The following LPP variants were observed in gnomAD, a reference collection of about 807,000 sequenced individuals.
The protein encoded by LPP is LIM domain containing preferred translocation partner in lipoma, also known as lipoma-preferred partner.
A neutral mutation model predicts 60.4 loss-of-function variants in LPP; 38 were observed. The observed-to-expected ratio is 0.63, with a 90% CI of 0.49 to 0.83. The LOEUF (loss-of-function observed/expected upper bound fraction) is 0.83. LPP is among the 40% of genes least tolerant of loss of function. The probability of loss-of-function intolerance (pLI) is 0.00; values close to 1 mark genes in which losing one functional copy is unlikely to be tolerated. For synonymous variants in LPP, 328 were observed against 290.8 expected (o/e 1.13, Z -1.30); for missense variants, 902 against 783.6 (o/e 1.15, Z -1.80).
At chr3:188,282,638 C>T (rs1230186519) in intron 2 of LPP, among the ~76,000 whole-genome samples, 2 of 152,098 alleles carry the variant, frequency 1.3e-5, no homozygotes, top group East Asian at 1.9e-4. Flanking sequence ...ACCTTTCTGC[C>T]TTCCTTTTGG....
rs553573467 is a variant in LPP at position 188,882,450 on chromosome 3, T to A, written c.*7971T>A. On this transcript the variant is annotated 3_prime_UTR_variant, in exon 12 of 12. Transcript: ENST00000617246. The stretch of plus-strand genomic sequence containing the variant: ...TATTTACTTGCTTTTCCCATCTCTT[T>A]ATAATTGGAAGAGAAGATGATCTGC... 4.4e-6 allele frequency: 1 copy of A among 226,924 alleles called. No homozygotes were observed. The highest frequency in any genetic ancestry group is 2.2e-5 in the African/African-American group (1 of 45,128). The allele number at this position is 226,924 out of a possible 1,614,324, so 14.1% of individuals were successfully genotyped here.
chr3:188,421,634 C>T (rs1251438922), intron 4 of LPP, among the ~76,000 whole-genome samples: 1 of 152,152 alleles, frequency 6.6e-6, no homozygotes, highest in African/African-American at 2.4e-5. Flanking sequence ...TTAATAACTG[C>T]AGAAATCCCC....
chr3:188,740,299 G>T (rs1723961076), intron 8 of LPP, among the ~76,000 whole-genome samples: 1 of 152,100 alleles, frequency 6.6e-6, no homozygotes, highest in South Asian at 2.1e-4. Flanking sequence ...GGATCTACCT[G>T]TGGACTTTAG....
intron 6 of LPP, chr3:188,568,257 G>A (rs537727645): frequency 1.3e-5 from 2 of 152,048 alleles, no homozygotes; most frequent in Admixed American, 1.3e-4. Flanking sequence ...CCACGATAGG[G>A]ATGCAAGCAT....
chr3:188,674,039 G>A (rs1857484232), intron 7 of LPP, among the ~76,000 whole-genome samples: 1 of 151,672 alleles, frequency 6.6e-6, no homozygotes, highest in African/African-American at 2.4e-5. Context: ...TACTGTTGTT[G>A]GGCATGTCAT....
intron 6 of LPP, among the ~76,000 whole-genome samples, chr3:188,530,199 C>G (rs1000941150): frequency 6.6e-6 from 1 of 152,120 alleles, no homozygotes; most frequent in African/African-American, 2.4e-5. Context: ...TTTTGATGCC[C>G]AAGGGCTTTC....
chr3:188,182,813 AT>A lies in LPP; in HGVS notation c.-190+28562del, dbSNP rs1725516923. Reference sequence around the variant, plus strand: ...GTACATATACAATATATGCACATATATAATATATGTACATATAATATACATA... The same window carrying A: ...GTACATATACAATATATGCACATATAAATATATGTACATATAATATACATA... On this transcript the variant is annotated intron_variant, in intron 1 of 11. Transcript: ENST00000617246. This position sits in a 1 kb window ranked among gnomAD's most constrained non-coding sequence, Gnocchi z 4.4. Among the ~76,000 whole-genome samples, 1 of 151,300 alleles carries A rather than the reference AT, an allele frequency of 6.6e-6. No individual in the cohort carries two copies. Among genetic ancestry groups the A allele is most frequent in the African/African-American group, 2.4e-5 (1 of 41,230 alleles).
intron 1 of LPP, among the ~76,000 whole-genome samples, chr3:188,162,220 T>C (rs1489470412): frequency 6.6e-6 from 1 of 152,234 alleles, no homozygotes; most frequent in Non-Finnish European, 1.5e-5. Context: ...CCAAATATAA[T>C]GCAAGAGACA....
intron 5 of LPP, among the ~76,000 whole-genome samples, chr3:188,494,517 C>G (rs1187046435): frequency 1.3e-5 from 2 of 152,100 alleles, no homozygotes; most frequent in Non-Finnish European, 2.9e-5. Flanking sequence ...TTAAATACCC[C>G]TAACGTCCAT....
rs1284584330 is a variant in LPP at position 188,878,669 on chromosome 3, T to A, written c.*4190T>A. The A allele has an allele frequency of 9.8e-6, 2 of 204,222 alleles. No homozygotes were observed. Among genetic ancestry groups the A allele is most frequent in the Non-Finnish European group, 2.0e-5 (2 of 99,828 alleles). The allele number at this position is 204,222 out of a possible 1,614,324, so 12.7% of individuals were successfully genotyped here. ...TGTGCCTTATTTTCAAAGAATCTATTTACACTACTATGAATATTCCACTGA... is the reference window on the plus strand; with the variant it reads ...TGTGCCTTATTTTCAAAGAATCTATATACACTACTATGAATATTCCACTGA... On this transcript the variant is annotated 3_prime_UTR_variant, in exon 12 of 12. Coordinates refer to ENST00000617246, the MANE Select transcript of LPP (RefSeq NM_001375462.1).
chr3:188,755,187 A>T (rs777505536), intron 8 of LPP, among the ~76,000 whole-genome samples: 1 of 152,236 alleles, frequency 6.6e-6, no homozygotes, highest in Non-Finnish European at 1.5e-5. Flanking sequence ...GCTTGTGCTT[A>T]AAATGTCTAT....
intron 2 of LPP, among the ~76,000 whole-genome samples, chr3:188,337,067 G>A (rs533997186): frequency 5.5e-4 from 84 of 152,260 alleles, no homozygotes; most frequent in Non-Finnish European, 9.9e-4. Flanking sequence ...CTGAAGGGGA[G>A]GGTGAAAGGT....
intron 4 of LPP, among the ~76,000 whole-genome samples, chr3:188,443,642 A>G (rs534284034): frequency 6.6e-6 from 1 of 152,332 alleles, no homozygotes; most frequent in African/African-American, 2.4e-5. Context: ...AGCAGCTTCC[A>G]AACGACTTTT....
intron 2 of LPP, among the ~76,000 whole-genome samples, chr3:188,334,575 C>A (rs371351414): frequency 3.3e-5 from 5 of 151,778 alleles, no homozygotes; most frequent in Non-Finnish European, 7.4e-5. Context: ...GGACTACAGA[C>A]GCGCGCTACC....
intron 7 of LPP, among the ~76,000 whole-genome samples, chr3:188,629,399 A>T (rs1847443817): frequency 6.6e-6 from 1 of 152,136 alleles, no homozygotes; most frequent in Non-Finnish European, 1.5e-5. Flanking sequence ...AGTGCACAAA[A>T]ATCAGTTGCC....
At chr3:188,484,503 T>A (rs1805742000) in intron 4 of LPP, 89 bp from the exon 5 acceptor site, 1 of 907,326 alleles carries the variant, frequency 1.1e-6, no homozygotes, top group South Asian at 1.6e-5. Context: ...CAAAGCCAAT[T>A]ATAAAAAAGT....
intron 2 of LPP, among the ~76,000 whole-genome samples, chr3:188,248,494 A>ATATATATATATATATG (rs1371178264): frequency 5.0e-5 from 7 of 139,834 alleles, no homozygotes; most frequent in African/African-American, 1.1e-4. Flanking sequence ...ATATATATAT[A>ATATATATATATATATG]TATACAGTCA....
Position 188,807,724 on chromosome 3 carries a change from CAT to C in LPP, c.1410+47445_1410+47446del, listed in dbSNP as rs1432762574. Among the ~76,000 whole-genome samples, 3 of 152,204 alleles carry C rather than the reference CAT, an allele frequency of 2.0e-5. No individual in the cohort carries two copies. The South Asian group carries it at 6.2e-4, about 32-fold the overall frequency. On this transcript the variant is annotated intron_variant, in intron 9 of 11. Transcript: ENST00000617246. ...CATAAGACAGAATGAGAAATATTCT[CAT>C]ATGACAGTCTCTATATCTTTGAGAT...
chr3:188,491,080 G>A (rs1808235423), intron 5 of LPP, among the ~76,000 whole-genome samples: 1 of 152,112 alleles, frequency 6.6e-6, no homozygotes, highest in Non-Finnish European at 1.5e-5. Flanking sequence ...TTTTTGTCTT[G>A]TGATTCCATG....
Sources: allele counts gnomAD v4.1 joint callset (sites outside exome capture counted in the v4.1 genomes callset), GRCh38; gene constraint gnomAD v4.1.1; non-coding constraint Gnocchi (gnomAD v3.1); transcripts MANE v1.5; gene names NCBI Gene and HGNC (gene_info 2026-07-23, HGNC 2026-07-21).